Variants in CAMK1D observed in about 807,000 individuals in gnomAD.
CAMK1D encodes the protein calcium/calmodulin-dependent protein kinase type 1D.
Under a neutral mutation model 47.7 loss-of-function variants are expected in CAMK1D, and 9 were observed. That is an observed-to-expected ratio of 0.19 (90% CI 0.11 to 0.33). CAMK1D has a LOEUF of 0.33. Ranked by LOEUF, CAMK1D falls within the 10% of genes least tolerant of loss-of-function variation. CAMK1D has a pLI of 1.00. For missense variants in CAMK1D, 291 were observed against 488.7 expected, an observed-to-expected ratio of 0.60 and a Z score of 3.81; for synonymous variants, 184 against 184.9, an observed-to-expected ratio of 0.99 and a Z score of 0.04.
intron 2 of CAMK1D, among the ~76,000 whole-genome samples, chr10:12,654,786 A>C (rs2132520933): frequency 6.6e-6 from 1 of 152,330 alleles, no homozygotes; most frequent in South Asian, 2.1e-4. Flanking sequence ...CACGGAAGCC[A>C]CGAAGTTATC....
intron 2 of CAMK1D, among the ~76,000 whole-genome samples, chr10:12,593,649 C>G (rs1181240624): frequency 2.0e-5 from 3 of 152,106 alleles, no homozygotes; most frequent in Non-Finnish European, 2.9e-5. Flanking sequence ...ATCCCTTTAA[C>G]CAAAAACCAC....
chr10:12,437,113 A>AT (rs5783267), intron 1 of CAMK1D, among the ~76,000 whole-genome samples: 138,582 of 150,924 alleles, frequency 0.92, 64,642 homozygotes, highest in Non-Finnish European at 1. Context: ...CAGCAGCCAG[A>AT]TTTTTTTTTC....
chr10:12,647,830 C>T (rs1394951810), intron 2 of CAMK1D, among the ~76,000 whole-genome samples: 2 of 152,174 alleles, frequency 1.3e-5, no homozygotes, highest in Admixed American at 1.3e-4. Flanking sequence ...TCTGAAGCAA[C>T]TTTGAATGCA....
At chr10:12,475,227 A>G (rs1833867623) in intron 1 of CAMK1D, among the ~76,000 whole-genome samples, 1 of 151,544 alleles carries the variant, frequency 6.6e-6, no homozygotes, top group Non-Finnish European at 1.5e-5. Context: ...CATGTTTTGA[A>G]CTCTTCCTAT....
chr10:12,744,089 C>A (rs533929601), intron 3 of CAMK1D, among the ~76,000 whole-genome samples: 1 of 151,798 alleles, frequency 6.6e-6, no homozygotes, highest in East Asian at 1.9e-4. Context: ...AATATGTGGC[C>A]TTTTGTGTCT....
chr10:12,616,131 GGT>G (rs1404163681), intron 2 of CAMK1D, among the ~76,000 whole-genome samples: 7 of 151,992 alleles, frequency 4.6e-5, no homozygotes, highest in South Asian at 4.1e-4. Context: ...TGTATATGTA[GGT>G]GTGTGTATAA....
rs181873604 is a variant in CAMK1D at position 12,616,255 on chromosome 10, A to C, written c.225-50481A>C. Reference sequence around the variant, plus strand: ...AAGAAATAAAATTAGTTTTCCAAGTATGGGCAGGCTTGAATATTTTAGTCT... The same window carrying C: ...AAGAAATAAAATTAGTTTTCCAAGTCTGGGCAGGCTTGAATATTTTAGTCT... On this transcript the variant is annotated intron_variant, in intron 2 of 10. Transcript: ENST00000619168. Among the ~76,000 whole-genome samples the C allele has an allele frequency of 3.8e-3, 577 of 152,300 alleles. 1 individual carries two copies. Among genetic ancestry groups the C allele is most frequent in the Non-Finnish European group, 5.0e-3 (337 of 68,026 alleles).
At chr10:12,532,205 TA>T (rs1416434308) in intron 1 of CAMK1D, among the ~76,000 whole-genome samples, 1 of 152,176 alleles carries the variant, frequency 6.6e-6, no homozygotes, top group Non-Finnish European at 1.5e-5. Flanking sequence ...CTTAATTTGG[TA>T]CTTTGTCTCC....
intron 2 of CAMK1D, among the ~76,000 whole-genome samples, chr10:12,620,292 G>A (rs774380280): frequency 3.3e-4 from 50 of 151,780 alleles, no homozygotes; most frequent in Non-Finnish European, 6.6e-4. Context: ...ATAAATGCCA[G>A]GAGTTCAATT....
chr10:12,463,605 T>A (rs1833501527), intron 1 of CAMK1D, among the ~76,000 whole-genome samples: 1 of 152,120 alleles, frequency 6.6e-6, no homozygotes. Context: ...TATCAGCCAG[T>A]TTTCTCACCT....
At chr10:12,413,555 A>G (rs1385645648) in intron 1 of CAMK1D, among the ~76,000 whole-genome samples, 1 of 632 alleles carries the variant, frequency 1.6e-3, no homozygotes, top group African/African-American at 6.3e-3. Context: ...GATGGTGATA[A>G]TGATGATGAT....
chr10:12,449,286 C>T (rs948668669), intron 1 of CAMK1D, among the ~76,000 whole-genome samples: 17 of 152,010 alleles, frequency 1.1e-4, no homozygotes, highest in South Asian at 2.1e-4. Flanking sequence ...GGGCAGGGTC[C>T]GTGTGGCTGT....
chr10:12,437,273 C>A (rs1222017026), intron 1 of CAMK1D, among the ~76,000 whole-genome samples: 1 of 152,148 alleles, frequency 6.6e-6, no homozygotes, highest in Non-Finnish European at 1.5e-5. Flanking sequence ...CTTACTGCAA[C>A]CTCCGCCTCC....
chr10:12,634,789 G>T (rs1267010480), intron 2 of CAMK1D, among the ~76,000 whole-genome samples: 1 of 152,182 alleles, frequency 6.6e-6, no homozygotes, highest in East Asian at 1.9e-4. Context: ...CTCTGCCGCT[G>T]GGAGGCAACA....
intron 2 of CAMK1D, among the ~76,000 whole-genome samples, chr10:12,605,349 T>C (rs562656582): frequency 5.3e-5 from 8 of 150,816 alleles, no homozygotes; most frequent in African/African-American, 1.9e-4. Context: ...TGTGTGTGTG[T>C]GTGTGTGTGT....
At chr10:12,389,333 G>C (rs1838637675) in intron 1 of CAMK1D, among the ~76,000 whole-genome samples, 1 of 152,174 alleles carries the variant, frequency 6.6e-6, no homozygotes, top group African/African-American at 2.4e-5. Flanking sequence ...TCTTGGGACA[G>C]GCTCTTTGGG....
chr10:12,797,217 G>C (rs1203585412), intron 6 of CAMK1D, among the ~76,000 whole-genome samples: 1 of 109,738 alleles, frequency 9.1e-6, no homozygotes, highest in Non-Finnish European at 1.9e-5. Context: ...TTTTTGTTTA[G>C]AGACAGGGTC....
Position 12,764,023 on chromosome 10 carries a change from C to T in CAMK1D, c.438+2937C>T, listed in dbSNP as rs114312283. Among the ~76,000 whole-genome samples, 1,418 of 152,260 alleles carry T rather than the reference C, an allele frequency of 9.3e-3. 27 individuals are homozygous for T. Among genetic ancestry groups the T allele is most frequent in the African/African-American group, 0.032 (1,334 of 41,540 alleles). Reference sequence around the variant, plus strand: ...CAGATGATACCTGAGCCTGCCTCTCCCCCACCGTCTTCCCTCCTCCCCCAG... The same window carrying T: ...CAGATGATACCTGAGCCTGCCTCTCTCCCACCGTCTTCCCTCCTCCCCCAG... On this transcript the variant is annotated intron_variant, in intron 4 of 10. Transcript: ENST00000619168.
chr10:12,481,216 C>T (rs1303350616), intron 1 of CAMK1D, among the ~76,000 whole-genome samples: 1 of 152,132 alleles, frequency 6.6e-6, no homozygotes, highest in East Asian at 1.9e-4. Context: ...GGTGTTAGAA[C>T]CCAAGATGGG....
Sources: allele counts gnomAD v4.1 joint callset (sites outside exome capture counted in the v4.1 genomes callset), GRCh38; gene constraint gnomAD v4.1.1; transcripts MANE v1.5; gene names NCBI Gene and HGNC (gene_info 2026-07-23, HGNC 2026-07-21).